Variants in SGCD observed in about 807,000 individuals in gnomAD.
The protein encoded by SGCD is delta-sarcoglycan.
SGCD carries 18 observed loss-of-function variants against 36.6 expected under a neutral mutation model. The ratio of observed to expected loss-of-function variants is 0.49; its 90% CI spans 0.34 to 0.73. The LOEUF is 0.73. Ranked by LOEUF, SGCD falls within the 30% of genes least tolerant of loss-of-function variation. The pLI, the probability that SGCD is intolerant of heterozygous loss-of-function variation, is 0.01. For missense variants in SGCD, 387 were observed against 346.7 expected, an observed-to-expected ratio of 1.12 and a Z score of -0.92; for synonymous variants, 133 against 130.6, an observed-to-expected ratio of 1.02 and a Z score of -0.12.
chr5:156,255,520 G>A (rs1191150067), intron 3 of SGCD, among the ~76,000 whole-genome samples: 2 of 152,134 alleles, frequency 1.3e-5, no homozygotes, highest in East Asian at 3.9e-4. Flanking sequence ...CTGTGAAATC[G>A]ACTGTACCTG....
At chr5:156,426,366 A>G (rs1561688151) in intron 3 of SGCD, among the ~76,000 whole-genome samples, 1 of 151,844 alleles carries the variant, frequency 6.6e-6, no homozygotes, top group African/African-American at 2.4e-5. Flanking sequence ...GGCCATTTGT[A>G]TATCTTGAGA....
At chr5:156,714,334 G>A (rs558111449) in intron 7 of SGCD, among the ~76,000 whole-genome samples, 1 of 152,212 alleles carries the variant, frequency 6.6e-6, no homozygotes, top group Non-Finnish European at 1.5e-5. Flanking sequence ...TGTTTAAAAT[G>A]GCCCCCAACT....
rs1757532895 is a variant in SGCD at position 156,763,466 on chromosome 5, A to G, written c.*4076A>G. 11 of 152,572 alleles carry G rather than the reference A, an allele frequency of 7.2e-5. 1 individual carries two copies. Among genetic ancestry groups the G allele is most frequent in the Admixed American group, 7.2e-4 (11 of 15,286 alleles). The allele number at this position is 152,572 out of a possible 1,614,324, so 9.5% of individuals were successfully genotyped here. On this transcript the variant is annotated 3_prime_UTR_variant, in exon 9 of 9. Transcript: ENST00000337851. Reference sequence around the variant, plus strand: ...ACATGGGGACAAAAAAAATACAGTGAAATTCTTTTTATCAAACTGATGCTG... The same window carrying G: ...ACATGGGGACAAAAAAAATACAGTGGAATTCTTTTTATCAAACTGATGCTG...
chr5:156,078,510 CAA>C (rs60477201), intron 1 of SGCD, among the ~76,000 whole-genome samples: 11,357 of 100,650 alleles, frequency 0.11, 1,079 homozygotes, highest in East Asian at 0.46. Flanking sequence ...AAGACTGTCT[CAA>C]AAAAAAAAAT....
At chr5:156,101,495 AAT>A (rs1450962218) in intron 1 of SGCD, among the ~76,000 whole-genome samples, 16 of 152,306 alleles carry the variant, frequency 1.1e-4, no homozygotes, top group Admixed American at 9.2e-4. Context: ...AGAATCTAGA[AAT>A]ATACCTTTGC....
intron 3 of SGCD, among the ~76,000 whole-genome samples, chr5:156,436,349 TG>T (rs776603997): frequency 3.3e-5 from 5 of 152,244 alleles, no homozygotes; most frequent in Non-Finnish European, 5.9e-5. Flanking sequence ...ATGTATTTGT[TG>T]AATGAATAAA....
chr5:156,335,599 G>A (rs1202737583), intron 2 of SGCD, among the ~76,000 whole-genome samples: 2 of 152,046 alleles, frequency 1.3e-5, no homozygotes, highest in Admixed American at 6.6e-5. Flanking sequence ...GGAATCTCAT[G>A]TGCCTTCAAC....
chr5:155,834,381 G>T, the SGCD span, among the ~76,000 whole-genome samples: 1 of 152,134 alleles, frequency 6.6e-6, no homozygotes, highest in Non-Finnish European at 1.5e-5. Context: ...CTTTAGAAGT[G>T]CAGTTGGCTA....
chr5:156,583,977 A>C (rs963083046), intron 4 of SGCD, among the ~76,000 whole-genome samples: 1 of 152,236 alleles, frequency 6.6e-6, no homozygotes, highest in Non-Finnish European at 1.5e-5. Flanking sequence ...TCAAATGTTG[A>C]TAGAAGAAAA....
intron 3 of SGCD, among the ~76,000 whole-genome samples, chr5:156,228,756 A>G (rs1366068937): frequency 6.8e-6 from 1 of 146,228 alleles, no homozygotes; most frequent in African/African-American, 2.7e-5. Context: ...ATTCGGTGAG[A>G]TTTATGCTTT....
At chr5:156,654,718 C>G (rs1763606286) in intron 7 of SGCD, among the ~76,000 whole-genome samples, 2 of 152,114 alleles carry the variant, frequency 1.3e-5, no homozygotes, top group South Asian at 2.1e-4. Flanking sequence ...TAGCTCTAAA[C>G]AGCTAATCCT....
chr5:156,101,846 A>C (rs1761523981), intron 1 of SGCD, among the ~76,000 whole-genome samples: 1 of 151,934 alleles, frequency 6.6e-6, no homozygotes, highest in Admixed American at 6.6e-5. Context: ...CTTTGATTAA[A>C]TTCCAATATC....
In SGCD at chr5:155,888,301, G is replaced by T. The variant is rs558897531; in HGVS notation, c.-282+17877G>T. ...AAACTTTCAATGGTTCTTCATTTCC[G>T]AAATGTATTGGTCCTTCATGGCCGT... On this transcript the variant is annotated intron_variant, in intron 1 of 9. Transcript: ENST00000517913. Among the ~76,000 whole-genome samples, 4 of 152,214 alleles carry T rather than the reference G, an allele frequency of 2.6e-5. No homozygotes were observed. In the South Asian group the frequency reaches 8.3e-4, roughly 32 times the overall value.
chr5:156,244,230 G>A (rs1765382954), intron 3 of SGCD, among the ~76,000 whole-genome samples: 1 of 152,122 alleles, frequency 6.6e-6, no homozygotes, highest in Non-Finnish European at 1.5e-5. Flanking sequence ...TGAAAATACA[G>A]TCTTCAAAAG....
the SGCD span, among the ~76,000 whole-genome samples, chr5:155,804,312 A>C: frequency 6.6e-6 from 1 of 152,146 alleles, no homozygotes; most frequent in Non-Finnish European, 1.5e-5. Context: ...GGAAACTGAG[A>C]CTCAAAGGGG....
At chr5:155,793,946 C>T in the SGCD span, among the ~76,000 whole-genome samples, 1 of 43,014 alleles carries the variant, frequency 2.3e-5, no homozygotes. Context: ...AGGTGGGAAG[C>T]AAAAATGAAA....
At chr5:156,453,682 A>C (rs947712581) in intron 3 of SGCD, among the ~76,000 whole-genome samples, 3 of 152,198 alleles carry the variant, frequency 2.0e-5, no homozygotes, top group Non-Finnish European at 2.9e-5. Context: ...ACAGGACAAC[A>C]GAGAATTGTC....
chr5:155,965,979 C>T (rs961156635), intron 1 of SGCD, among the ~76,000 whole-genome samples: 7 of 152,146 alleles, frequency 4.6e-5, no homozygotes, highest in Admixed American at 1.3e-4. Context: ...AAAAAATTTC[C>T]CTGCCTGATG....
intron 1 of SGCD, among the ~76,000 whole-genome samples, chr5:156,013,069 A>G (rs1758894122): frequency 6.7e-6 from 1 of 150,346 alleles, no homozygotes; most frequent in Non-Finnish European, 1.5e-5. Flanking sequence ...TCTGTCGCCA[A>G]GGCTGGAGTG....
Sources: allele counts gnomAD v4.1 joint callset (sites outside exome capture counted in the v4.1 genomes callset), GRCh38; gene constraint gnomAD v4.1.1; transcripts MANE v1.5; gene names NCBI Gene and HGNC (gene_info 2026-07-23, HGNC 2026-07-21).